Variants in REXO1 observed in about 807,000 individuals in gnomAD.
REXO1 encodes the protein REX1, RNA exonuclease 1 homolog.
In REXO1, 42 loss-of-function variants were observed where a neutral mutation model predicts 102.6. That is an observed-to-expected ratio of 0.41 (90% confidence interval 0.32 to 0.53). The LOEUF (loss-of-function observed/expected upper bound fraction) is 0.53, where lower values mean the gene tolerates loss of function less well. Among genes scored for constraint, REXO1 ranks in the 20% least tolerant of loss-of-function variants. REXO1 has a pLI of 0.27. For synonymous variants in REXO1, 908 were observed against 779.1 expected, an observed-to-expected ratio of 1.17 and a Z score of -2.76; for missense variants, 1,819 against 1,732.5, an observed-to-expected ratio of 1.05 and a Z score of -0.89.
chr19:1,818,108 G>A (rs978788268), intron 10 of REXO1, among the ~76,000 whole-genome samples: 1 of 152,194 alleles, frequency 6.6e-6, no homozygotes, highest in African/African-American at 2.4e-5. Context: ...CCTGAGCGTG[G>A]CTGCGTGGTT....
At chr19:1,816,623 T>TGG in intron 13 of REXO1, 54 bp from the exon 14 acceptor site, 1 of 171,446 alleles carries the variant, frequency 5.8e-6, no homozygotes, top group Admixed American at 6.2e-5. Context: ...CACTGGCTGG[T>TGG]GGGGCGGGGG....
In REXO1 at chr19:1,828,548, G is replaced by A. The variant is rs1568701658; in HGVS notation, c.241C>T (p.Pro81Ser). 2 of 1,604,236 alleles carry A rather than the reference G, an allele frequency of 1.2e-6. No individual in the cohort carries two copies. The highest frequency in any genetic ancestry group is 2.2e-5 in the East Asian group (1 of 44,884). The change falls in exon 2 of 16, where the codon CCG becomes TCG. Residue 81 changes from proline to serine, a missense_variant. Transcript: ENST00000170168. ...ENGTLGLGEE[P>S]RPDVLELELV... ...TCCAACTCCAGCACATCCGGGCGCG[G>A]CTCCTCCCCCAGGCCCAGGGTGCCA...
chr19:1,822,907 GAC>G (rs1445470712), intron 4 of REXO1: 1 of 152,294 alleles, frequency 6.6e-6, no homozygotes, highest in Non-Finnish European at 1.5e-5. Flanking sequence ...GAGCTTGCCA[GAC>G]ACACAGACCT....
Position 1,817,337 on chromosome 19 carries a change from TGGA to T in REXO1, c.3091-11_3091-9del. On this transcript the variant is annotated splice_polypyrimidine_tract_variant and intron_variant, in intron 11 of 15. Transcript: ENST00000170168. ...GCCATCCTGCACGTGTTGCTGGGGGTGGAGAAGGCAGGTGAGGGCAGCTTCGGG... is the reference window on the plus strand; with the variant it reads ...GCCATCCTGCACGTGTTGCTGGGGGTGAAGGCAGGTGAGGGCAGCTTCGGG... 1 of 1,610,530 alleles carries T rather than the reference TGGA, an allele frequency of 6.2e-7. No homozygotes were observed. The highest frequency in any genetic ancestry group is 8.5e-7 in the Non-Finnish European group (1 of 1,179,514).
At position 1,820,314 on chromosome 19, in the gene REXO1, T is replaced by C. The variant is rs1176645373; in HGVS notation, c.2476A>G (p.Ile826Val). The change falls in exon 6 of 16, where the codon ATC becomes GTC. Residue 826 changes from isoleucine (I) to valine (V), a missense_variant. Transcript: ENST00000170168. ...VIRQRYLNLF[I>V]EECLKFCTSN... is the part of the protein sequence containing the mutation. ...GTACAGAACTTGAGACACTCCTCGA[T>C]GAACAGGTTGAGATAGCGCTGGCGG... 4 of 1,613,842 alleles carry C rather than the reference T, an allele frequency of 2.5e-6. No individual in the cohort carries two copies. In the African/African-American group the frequency reaches 5.3e-5, roughly 22 times the overall value.
At chr19:1,841,186 C>T (rs766657820) in intron 1 of REXO1, among the ~76,000 whole-genome samples, 2 of 96,894 alleles carry the variant, frequency 2.1e-5, no homozygotes, top group African/African-American at 8.4e-5. Flanking sequence ...CCCAGGATTG[C>T]CCTGACAGTC....
chr19:1,834,357 A>G (rs2069982127), intron 1 of REXO1, among the ~76,000 whole-genome samples: 1 of 152,198 alleles, frequency 6.6e-6, no homozygotes, highest in East Asian at 1.9e-4. Context: ...AGAGCGCAGG[A>G]CAGGTGATAA....
chr19:1,828,728 A>T (rs1394521713), intron 1 of REXO1, 97 bp from the exon 2 acceptor site: 1 of 1,401,024 alleles, frequency 7.1e-7, no homozygotes, highest in African/African-American at 1.4e-5. Flanking sequence ...AAGGGAAGAG[A>T]CCTGCCTCCG....
intron 1 of REXO1, among the ~76,000 whole-genome samples, chr19:1,831,903 T>C (rs1599154725): frequency 7.5e-6 from 1 of 132,580 alleles, no homozygotes; most frequent in South Asian, 2.4e-4. Flanking sequence ...AAATGGCTGG[T>C]TTCCCAAGCT....
Position 1,827,130 on chromosome 19 carries a change from G to T in REXO1, c.1659C>A (p.Asp553Glu). Reference protein sequence around the residue: ...LPSLSSDSDSDSDSSLGFPEA... With the variant: ...LPSLSSDSDSESDSSLGFPEA... ...CCGGGAAGCCCAGGCTGGAGTCTGA[G>T]TCGGAGTCTGAGTCCGAGCTGAGGC... Residue 553 changes from aspartate (D) to glutamate (E), a missense_variant, in exon 2 of 16, where the codon GAC becomes GAA. Physicochemically the swap from Asp to Glu is conservative, Grantham distance 45. Transcript: ENST00000170168. 1 of 1,542,380 alleles carries T rather than the reference G, an allele frequency of 6.5e-7. No individual in the cohort carries two copies. The highest frequency in any genetic ancestry group is 8.7e-7 in the Non-Finnish European group (1 of 1,146,282).
chr19:1,816,612 G>C, intron 13 of REXO1, 43 bp from the exon 14 acceptor site: 1 of 796,386 alleles, frequency 1.3e-6, no homozygotes, highest in Non-Finnish European at 2.0e-6. Flanking sequence ...CAGCCTGGAA[G>C]CACTGGCTGG....
chr19:1,840,503 A>C (rs1190563575), intron 1 of REXO1, among the ~76,000 whole-genome samples: 1 of 152,100 alleles, frequency 6.6e-6, no homozygotes, highest in East Asian at 1.9e-4. Context: ...AGAGCAGGAG[A>C]ACATCCCAGG....
At position 1,818,529 on chromosome 19, in the gene REXO1, C is replaced by T. The variant is rs1204987298; in HGVS notation, c.2969G>A (p.Arg990Gln). The change falls in exon 10 of 16, where the codon CGG (arginine) becomes CAG (glutamine). Residue 990 changes from arginine to glutamine, a missense_variant. Transcript: ENST00000170168. ...YLVSSSGRCI[R>Q]DEECYYHWGR... ...CCAGTGGTAATAACACTCCTCGTCC[C>T]GGATGCAGCGGCCTGAAGAGGACAC... 6 of 1,611,770 alleles carry T rather than the reference C, an allele frequency of 3.7e-6. No homozygotes were observed. The highest frequency in any genetic ancestry group is 2.2e-5 in the East Asian group (1 of 44,862).
Position 1,820,064 on chromosome 19 carries a change from G to A in REXO1, c.2527-7C>T, listed in dbSNP as rs1393774421. ...CCTTCTCCTCGTTCAGTGCCTGGGGGACAGGCGGTGCCCAGCTGAGGCCAT... is the reference window on the plus strand; with the variant it reads ...CCTTCTCCTCGTTCAGTGCCTGGGGAACAGGCGGTGCCCAGCTGAGGCCAT... On this transcript the variant is annotated splice_polypyrimidine_tract_variant and splice_region_variant and intron_variant, in intron 6 of 15. Transcript: ENST00000170168. The A allele has an allele frequency of 6.3e-7, 1 of 1,599,528 alleles. No homozygotes were observed. The highest frequency in any genetic ancestry group is 8.5e-7 in the Non-Finnish European group (1 of 1,176,086).
rs945991599 is a variant in REXO1, at chr19:1,828,907, C to G, written c.158-276G>C. Among the ~76,000 whole-genome samples the G allele has an allele frequency of 5.3e-5, 8 of 152,378 alleles. 1 individual carries two copies. Among genetic ancestry groups the G allele is most frequent in the African/African-American group, 1.9e-4 (8 of 41,598 alleles). On this transcript the variant is annotated intron_variant, in intron 1 of 15. Coordinates refer to ENST00000170168, the MANE Select transcript of REXO1 (RefSeq NM_020695.4). ...TCCCTGGGTACTGGAGGCTCCCTCA[C>G]ACGGCTCATGAAATGCGCACAATGA...
chr19:1,843,143 C>T (rs990741670), intron 1 of REXO1, among the ~76,000 whole-genome samples: 1 of 151,950 alleles, frequency 6.6e-6, no homozygotes, highest in Non-Finnish European at 1.5e-5. Flanking sequence ...ACCCCCCGCC[C>T]GGAGGGTCCC....
intron 1 of REXO1, 133 bp from the exon 2 acceptor site, chr19:1,828,764 C>A (rs2069823738): frequency 1.7e-5 from 21 of 1,223,770 alleles, no homozygotes; most frequent in Non-Finnish European, 2.2e-5. Context: ...TGGCGCCCGC[C>A]AAGGCTCTGG....
At chr19:1,844,583 G>A (rs2145338891) in intron 1 of REXO1, among the ~76,000 whole-genome samples, 1 of 152,306 alleles carries the variant, frequency 6.6e-6, no homozygotes, top group South Asian at 2.1e-4. Context: ...TGCTCCCTGA[G>A]CGCCTCTACC....
chr19:1,843,096 G>C (rs1036608458), intron 1 of REXO1, among the ~76,000 whole-genome samples: 4 of 152,158 alleles, frequency 2.6e-5, no homozygotes, highest in African/African-American at 9.7e-5. Context: ...GAGTGTGGGG[G>C]AGGGCTCCTC....
Sources: gnomAD v4.1 joint callset for allele counts (sites outside exome capture counted in the v4.1 genomes callset) on GRCh38, gnomAD v4.1.1 for gene constraint, MANE v1.5 for transcripts, NCBI Gene and HGNC (gene_info 2026-07-23, HGNC 2026-07-21) for gene names.